EXOC4: variants seen among roughly 807,000 people sequenced by gnomAD.
The protein encoded by EXOC4 is exocyst complex component 4.
EXOC4 carries 71 observed loss-of-function variants against 107.2 expected under a neutral mutation model. The ratio of observed to expected loss-of-function variants is 0.66; its 90% CI spans 0.55 to 0.81. The LOEUF (loss-of-function observed/expected upper bound fraction) is 0.81, where lower values mean the gene tolerates loss of function less well. EXOC4 is among the 30% of genes least tolerant of loss of function. EXOC4 has a pLI of 0.00. For missense variants in EXOC4, 1,108 were observed against 1,189.6 expected (o/e 0.93, Z 1.01); for synonymous variants, 456 against 441.2 (o/e 1.03, Z -0.42).
At chr7:133,349,697 G>A (rs1485122996) in intron 5 of EXOC4, among the ~76,000 whole-genome samples, 1 of 152,078 alleles carries the variant, frequency 6.6e-6, no homozygotes, top group African/African-American at 2.4e-5. Context: ...AATTAGAATT[G>A]CTGGATATAT....
chr7:133,827,948 G>A (rs991788039), intron 11 of EXOC4, among the ~76,000 whole-genome samples: 3 of 152,064 alleles, frequency 2.0e-5, no homozygotes, highest in African/African-American at 7.2e-5. Context: ...TTTAAAGGAA[G>A]TCTCTGAGAT....
At chr7:134,031,782 T>C (rs188803286) in intron 17 of EXOC4, among the ~76,000 whole-genome samples, 64 of 152,328 alleles carry the variant, frequency 4.2e-4, no homozygotes, top group Admixed American at 2.2e-3. Flanking sequence ...TATAAACCCA[T>C]GAAGTTAAGA....
intron 11 of EXOC4, among the ~76,000 whole-genome samples, chr7:133,839,177 C>T (rs1310963172): frequency 2.0e-5 from 3 of 152,116 alleles, no homozygotes; most frequent in East Asian, 3.9e-4. Context: ...ATAGTGCCAG[C>T]GTTTTGAAAA....
intron 8 of EXOC4, 59 bp from the exon 9 acceptor site, chr7:133,479,991 C>A: frequency 2.3e-6 from 3 of 1,316,356 alleles, no homozygotes; most frequent in Non-Finnish European, 3.3e-6. Flanking sequence ...GAATACAGAG[C>A]TGGTCAGCAC....
At chr7:134,051,689 A>C (rs1436528567) in intron 17 of EXOC4, among the ~76,000 whole-genome samples, 2 of 101,882 alleles carry the variant, frequency 2.0e-5, no homozygotes, top group Admixed American at 2.2e-4. Flanking sequence ...AAAAAAAAAA[A>C]AAACTTGGCT....
chr7:133,715,337 C>T (rs143789477), intron 10 of EXOC4, among the ~76,000 whole-genome samples: 46 of 152,266 alleles, frequency 3.0e-4, no homozygotes, highest in African/African-American at 1.1e-3. Context: ...TCTCATTATC[C>T]TTTCATTTCT....
At chr7:133,350,423 G>A (rs1225673149) in intron 5 of EXOC4, among the ~76,000 whole-genome samples, 1 of 151,988 alleles carries the variant, frequency 6.6e-6, no homozygotes, top group East Asian at 1.9e-4. Flanking sequence ...TTTGTTGAAA[G>A]GCCGTCCTTT....
chr7:133,449,906 C>G (rs987421981), intron 7 of EXOC4, among the ~76,000 whole-genome samples: 1 of 151,886 alleles, frequency 6.6e-6, no homozygotes, highest in African/African-American at 2.4e-5. Flanking sequence ...TTTTGCATCT[C>G]TGATTTTATT....
At chr7:133,923,371 C>T (rs1006031952) in intron 13 of EXOC4, among the ~76,000 whole-genome samples, 1 of 152,226 alleles carries the variant, frequency 6.6e-6, no homozygotes, top group African/African-American at 2.4e-5. Context: ...CCGCCCACCT[C>T]GGCCTCCCTT....
intron 14 of EXOC4, among the ~76,000 whole-genome samples, chr7:133,948,831 C>T (rs1800618690): frequency 6.6e-6 from 1 of 152,200 alleles, no homozygotes; most frequent in Admixed American, 6.5e-5. Flanking sequence ...ATCCAGACCA[C>T]ATCTGTCTGT....
chr7:133,622,229 C>T (rs1318012199), intron 9 of EXOC4, among the ~76,000 whole-genome samples: 1 of 152,148 alleles, frequency 6.6e-6, no homozygotes, highest in African/African-American at 2.4e-5. Context: ...CCCATCTCGG[C>T]CTCCCATAGC....
intron 10 of EXOC4, among the ~76,000 whole-genome samples, chr7:133,758,614 G>A (rs1795967134): frequency 6.6e-6 from 1 of 152,204 alleles, no homozygotes; most frequent in African/African-American, 2.4e-5. Flanking sequence ...TGCCATGAGG[G>A]CACTGGGGAT....
At chr7:133,590,264 A>G (rs1470580004) in intron 9 of EXOC4, among the ~76,000 whole-genome samples, 2 of 151,924 alleles carry the variant, frequency 1.3e-5, no homozygotes, top group African/African-American at 2.4e-5. Flanking sequence ...AAGCTTCACT[A>G]TATTTTTTTT....
rs1156360811 is a variant in EXOC4, at chr7:133,356,622, T to C, written c.1007+49T>C. ...TTTTGACAACTCTATTTATTGCACA[T>C]TTTCTAGGGTGGGGCGTAAGTAACT... On this transcript the variant is annotated intron_variant, in intron 6 of 17. Coordinates refer to ENST00000253861, the MANE Select transcript of EXOC4 (RefSeq NM_021807.4). The C allele has an allele frequency of 1.9e-6, 3 of 1,599,102 alleles. No homozygotes were observed. The East Asian group carries it at 6.7e-5, about 36-fold the overall frequency.
intron 7 of EXOC4, among the ~76,000 whole-genome samples, chr7:133,387,669 A>G (rs1326806112): frequency 6.6e-6 from 1 of 152,138 alleles, no homozygotes; most frequent in African/African-American, 2.4e-5. Flanking sequence ...ATTTTCATGT[A>G]ATGGAGGGGA....
intron 9 of EXOC4, among the ~76,000 whole-genome samples, chr7:133,525,746 T>C (rs955590709): frequency 6.6e-6 from 1 of 152,168 alleles, no homozygotes; most frequent in Non-Finnish European, 1.5e-5. Flanking sequence ...ACACCTGTAA[T>C]ATAGTATGAA....
intron 5 of EXOC4, among the ~76,000 whole-genome samples, chr7:133,346,130 T>G (rs960095438): frequency 2.6e-5 from 4 of 152,204 alleles, no homozygotes; most frequent in African/African-American, 9.6e-5. Flanking sequence ...TTGGCCAGTT[T>G]CCTACACAGA....
chr7:133,797,857 C>T (rs556858430), intron 10 of EXOC4, among the ~76,000 whole-genome samples: 11 of 152,252 alleles, frequency 7.2e-5, no homozygotes, highest in South Asian at 2.1e-4. Context: ...GCTATGAAGC[C>T]GTCTAAGACC....
At chr7:133,915,226 G>A (rs1265071779) in intron 12 of EXOC4, among the ~76,000 whole-genome samples, 1 of 133,496 alleles carries the variant, frequency 7.5e-6, no homozygotes, top group Non-Finnish European at 1.6e-5. Flanking sequence ...GAGGAATGCA[G>A]GGAAGAGATT....
Sources: allele counts gnomAD v4.1 joint callset (sites outside exome capture counted in the v4.1 genomes callset), GRCh38; gene constraint gnomAD v4.1.1; transcripts MANE v1.5; gene names NCBI Gene and HGNC (gene_info 2026-07-23, HGNC 2026-07-21).